HS3ST4: variants seen among roughly 807,000 people sequenced by gnomAD.
HS3ST4 encodes heparan sulfate-glucosamine 3-sulfotransferase 4, also known as heparan sulfate glucosamine 3-O-sulfotransferase 4.
A neutral mutation model predicts 29.2 loss-of-function variants in HS3ST4; 17 were observed. That is an observed-to-expected ratio of 0.58 (90% CI 0.40 to 0.87). HS3ST4 has a LOEUF of 0.87. Among genes scored for constraint, HS3ST4 ranks in the 40% least tolerant of loss-of-function variants. The probability of loss-of-function intolerance (pLI) is 0.00; values close to 1 mark genes in which losing one functional copy is unlikely to be tolerated. For missense variants in HS3ST4, 627 were observed against 634.5 expected (o/e 0.99, Z 0.13); for synonymous variants, 314 against 285.7 (o/e 1.10, Z -1.00).
intron 1 of HS3ST4, among the ~76,000 whole-genome samples, chr16:26,111,985 C>T (rs1171780122): frequency 6.7e-6 from 1 of 149,096 alleles, no homozygotes; most frequent in Non-Finnish European, 1.5e-5. Context: ...CCACTGCACT[C>T]CAGCCCGGCG....
chr16:26,093,831 G>C (rs1289421793), intron 1 of HS3ST4, among the ~76,000 whole-genome samples: 1 of 152,150 alleles, frequency 6.6e-6, no homozygotes, highest in Admixed American at 6.6e-5. Context: ...AAAGGAGCTT[G>C]TTCAAACCCA....
intron 1 of HS3ST4, among the ~76,000 whole-genome samples, chr16:25,704,941 C>G (rs1046634710): frequency 6.6e-6 from 1 of 151,872 alleles, no homozygotes; most frequent in Non-Finnish European, 1.5e-5. Flanking sequence ...AGGCTAGTCT[C>G]AAACTCCTGC....
At chr16:25,799,854 A>T (rs554851069) in intron 1 of HS3ST4, among the ~76,000 whole-genome samples, 1 of 151,882 alleles carries the variant, frequency 6.6e-6, no homozygotes, top group East Asian at 1.9e-4. Flanking sequence ...CTATCTATCC[A>T]TTTTTTTAGA....
intron 1 of HS3ST4, among the ~76,000 whole-genome samples, chr16:25,948,102 G>GGTAC (rs936440126): frequency 6.6e-6 from 1 of 152,134 alleles, no homozygotes; most frequent in Non-Finnish European, 1.5e-5. Flanking sequence ...AAGGCAATGA[G>GGTAC]GTACGTACAC....
At chr16:25,738,954 A>T (rs989924124) in intron 1 of HS3ST4, among the ~76,000 whole-genome samples, 8 of 152,180 alleles carry the variant, frequency 5.3e-5, no homozygotes, top group Non-Finnish European at 1.2e-4. Flanking sequence ...CTGTTGCTCC[A>T]TGTAGTTTAA....
At chr16:25,970,038 A>C (rs1191729460) in intron 1 of HS3ST4, among the ~76,000 whole-genome samples, 1 of 152,242 alleles carries the variant, frequency 6.6e-6, no homozygotes, top group Non-Finnish European at 1.5e-5. Flanking sequence ...ATGCATGGGG[A>C]AATAAATGGA....
At chr16:25,815,218 CTT>C (rs1967081305) in intron 1 of HS3ST4, among the ~76,000 whole-genome samples, 1 of 152,152 alleles carries the variant, frequency 6.6e-6, no homozygotes, top group Middle Eastern at 3.2e-3. Context: ...CACTTCTTTG[CTT>C]AATCTCACCC....
intron 1 of HS3ST4, among the ~76,000 whole-genome samples, chr16:25,815,325 T>C (rs191657550): frequency 1.4e-4 from 21 of 152,284 alleles, no homozygotes; most frequent in Admixed American, 1.3e-3. Context: ...AGTCTTTCTT[T>C]AAGCACAAAG....
At chr16:25,921,982 T>G (rs1019675686) in intron 1 of HS3ST4, among the ~76,000 whole-genome samples, 1 of 152,132 alleles carries the variant, frequency 6.6e-6, no homozygotes, top group African/African-American at 2.4e-5. Context: ...CTCAAACTCC[T>G]GGGCTCAAGT....
chr16:26,011,266 G>A (rs1359759464), intron 1 of HS3ST4, among the ~76,000 whole-genome samples: 1 of 152,194 alleles, frequency 6.6e-6, no homozygotes, highest in Non-Finnish European at 1.5e-5. Flanking sequence ...TTACTTAAAA[G>A]CATTCAATTT....
At chr16:25,758,111 C>A (rs149869089) in intron 1 of HS3ST4, among the ~76,000 whole-genome samples, 2 of 152,200 alleles carry the variant, frequency 1.3e-5, no homozygotes, top group Non-Finnish European at 2.9e-5. Flanking sequence ...CTTGGTTACC[C>A]CTGTTCTCCA....
chr16:25,810,829 A>G (rs560436612), intron 1 of HS3ST4, among the ~76,000 whole-genome samples: 1 of 152,234 alleles, frequency 6.6e-6, no homozygotes, highest in East Asian at 1.9e-4. Context: ...ATAGTTTTCA[A>G]TTAAATGTCC....
chr16:25,842,596 CTTT>C (rs1567252990), intron 1 of HS3ST4, among the ~76,000 whole-genome samples: 1 of 152,090 alleles, frequency 6.6e-6, no homozygotes, highest in African/African-American at 2.4e-5. Flanking sequence ...TGAAATCTTT[CTTT>C]GTTTTTGTGT....
At chr16:26,112,907 G>C (rs1460148991) in intron 1 of HS3ST4, among the ~76,000 whole-genome samples, 1 of 58,496 alleles carries the variant, frequency 1.7e-5, no homozygotes, top group Non-Finnish European at 4.5e-5. Flanking sequence ...AAAACAAAGT[G>C]GCATTAGCTT....
At chr16:26,092,149 C>G (rs1898865230) in intron 1 of HS3ST4, among the ~76,000 whole-genome samples, 2 of 152,166 alleles carry the variant, frequency 1.3e-5, no homozygotes, top group South Asian at 2.1e-4. Flanking sequence ...CTTGGGACCT[C>G]TAGAACTCTC....
chr16:25,790,813 A>G (rs978519842), intron 1 of HS3ST4, among the ~76,000 whole-genome samples: 3 of 152,186 alleles, frequency 2.0e-5, no homozygotes, highest in Non-Finnish European at 4.4e-5. Flanking sequence ...TGTTGGATAT[A>G]ATTATTGAAA....
chr16:26,019,695 C>T (rs1395998790), intron 1 of HS3ST4, among the ~76,000 whole-genome samples: 1 of 152,200 alleles, frequency 6.6e-6, no homozygotes, highest in Non-Finnish European at 1.5e-5. Flanking sequence ...AACGTTGCCT[C>T]TTTCCCTCAG....
intron 1 of HS3ST4, among the ~76,000 whole-genome samples, chr16:25,802,246 CTTTAGAATTTTTA>C (rs1966946242): frequency 6.6e-6 from 1 of 152,056 alleles, no homozygotes; most frequent in Non-Finnish European, 1.5e-5. Context: ...AATTTTTCAA[CTTTAGAATTTTTA>C]TTCATTTACG....
At position 26,003,062 on chromosome 16, in the gene HS3ST4, G is replaced by C. The variant is rs150425603; in HGVS notation, c.735-132550G>C. On this transcript the variant is annotated intron_variant, in intron 1 of 1. Coordinates refer to ENST00000331351, the MANE Select transcript of HS3ST4 (RefSeq NM_006040.3). The stretch of plus-strand genomic sequence containing the variant: ...GGCAGGTTCCCATCAGTAATGTTGG[G>C]TAGACAAGAAATAGATTGGTTAAAT... 3.0e-3 allele frequency among the ~76,000 whole-genome samples: 455 copies of C among 152,116 alleles called. 1 individual carries two copies. Among genetic ancestry groups the C allele is most frequent in the African/African-American group, 0.01 (435 of 41,478 alleles).
Sources: allele counts gnomAD v4.1 joint callset (sites outside exome capture counted in the v4.1 genomes callset), GRCh38; gene constraint gnomAD v4.1.1; transcripts MANE v1.5; gene names NCBI Gene and HGNC (gene_info 2026-07-23, HGNC 2026-07-21).